The following CELF2 variants were observed in gnomAD, a reference collection of about 807,000 sequenced individuals.
The protein encoded by CELF2 is CUGBP Elav-like family member 2, also known as CUG triplet repeat RNA-binding protein 2.
Under a neutral mutation model 62.6 loss-of-function variants are expected in CELF2, and 8 were observed. The ratio of observed to expected loss-of-function variants is 0.13; its 90% CI spans 0.07 to 0.23. The LOEUF (loss-of-function observed/expected upper bound fraction) is 0.23, where lower values mean the gene tolerates loss of function less well. Ranked by LOEUF, CELF2 falls within the 10% of genes least tolerant of loss-of-function variation. The probability of loss-of-function intolerance (pLI) is 1.00; values close to 1 mark genes in which losing one functional copy is unlikely to be tolerated. For synonymous variants in CELF2, 258 were observed against 250.0 expected (o/e 1.03, Z -0.30); for missense variants, 333 against 671.0 (o/e 0.50, Z 5.56).
rs1342564626 is a variant in CELF2, at chr10:11,329,338, T to TAATTTTTTTC, written c.*287_*296dup. On this transcript the variant is annotated 3_prime_UTR_variant, in exon 13 of 13. Transcript: ENST00000633077. The surrounding 1 kb of genome is among the most constrained non-coding windows in gnomAD (Gnocchi z 5.5). ...TTGAATCTCCTTTTACCTTTTTTTT[T>TAATTTTTTTC]AATTTTTTTCATTTTTGCTTTTTTT... The TAATTTTTTTC allele has an allele frequency of 1.9e-5, 4 of 214,800 alleles. No individual in the cohort carries two copies. In the East Asian group the frequency reaches 3.9e-4, roughly 21 times the overall value. 13.3% of individuals were successfully genotyped at this position (214,800 alleles called of 1,614,324 possible). A position where few individuals can be genotyped will look rare whatever the true frequency, so the allele number is the denominator to read the frequency against.
chr10:10,928,744 C>A lies in CELF2; in HGVS notation c.89+8745C>A, dbSNP rs2065785705. 6.6e-6 allele frequency among the ~76,000 whole-genome samples: 1 copy of A among 152,154 alleles called. No individual in the cohort carries two copies. The highest frequency in any genetic ancestry group is 1.5e-5 in the Non-Finnish European group (1 of 68,032). ...TGGTTCCCAAAGACCCCAGTTTTAACCCCTATCCTAGCATCTGTGTCATCC... is the reference window on the plus strand; with the variant it reads ...TGGTTCCCAAAGACCCCAGTTTTAAACCCTATCCTAGCATCTGTGTCATCC... On this transcript the variant is annotated intron_variant, in intron 2 of 13. Transcript: ENST00000636488. This position sits in a 1 kb window ranked among gnomAD's most constrained non-coding sequence, Gnocchi z 4.8.
chr10:10,848,214 A>G (rs981835729), intron 1 of CELF2, among the ~76,000 whole-genome samples: 6 of 152,238 alleles, frequency 3.9e-5, no homozygotes, highest in Non-Finnish European at 7.3e-5. Flanking sequence ...TGATGTGTTC[A>G]GTACCCCTTT....
chr10:11,297,152 T>C lies in CELF2; in HGVS notation c.976+8600T>C, dbSNP rs73583219. On this transcript the variant is annotated intron_variant, in intron 9 of 12. Transcript: ENST00000633077. This position sits in a 1 kb window ranked among gnomAD's most constrained non-coding sequence, Gnocchi z 4.4. ...TTGGGCCTGGGTGGCCAGTGGAGCATTGCTCTCAGTTGTGAGGGGAGTTGA... is the reference window on the plus strand; with the variant it reads ...TTGGGCCTGGGTGGCCAGTGGAGCACTGCTCTCAGTTGTGAGGGGAGTTGA... Among the ~76,000 whole-genome samples the C allele has an allele frequency of 0.068, 10,341 of 152,238 alleles. 605 individuals are homozygous for C. The highest frequency in any genetic ancestry group is 0.16 in the African/African-American group (6,626 of 41,502).
rs1358428996 is a variant in CELF2, at chr10:11,093,449, G to C, written c.75-72037G>C. ...AAGTCAATCTGTGGCATGCAAACTA[G>C]GGATGTGGAGAAGGATGGAAAAGAG... On this transcript the variant is annotated intron_variant, in intron 1 of 12. Transcript: ENST00000633077. Among the ~76,000 whole-genome samples, 3 of 152,220 alleles carry C rather than the reference G, an allele frequency of 2.0e-5. No homozygotes were observed. In the East Asian group the frequency reaches 5.8e-4, roughly 29 times the overall value.
upstream of CELF2, chr10:11,017,813 C>A: frequency 2.9e-6 from 1 of 341,170 alleles, no homozygotes; most frequent in South Asian, 1.2e-4. The surrounding 1 kb of genome is among the most constrained non-coding windows in gnomAD (Gnocchi z 5.5). Flanking sequence ...GGTTCGGGGC[C>A]GCGCTCTGGG....
chr10:11,054,207 C>T (rs2064629875), intron 1 of CELF2, among the ~76,000 whole-genome samples: 1 of 152,160 alleles, frequency 6.6e-6, no homozygotes, highest in African/African-American at 2.4e-5. Context: ...AAAGCTGATG[C>T]CTGTTTGTAT....
At chr10:10,481,722 A>C in the CELF2 span, among the ~76,000 whole-genome samples, 2 of 152,258 alleles carry the variant, frequency 1.3e-5, no homozygotes, top group Admixed American at 6.5e-5. Flanking sequence ...CTTTGTCTTC[A>C]GATCTCGATA....
At chr10:10,496,147 G>A in the CELF2 span, among the ~76,000 whole-genome samples, 1 of 152,204 alleles carries the variant, frequency 6.6e-6, no homozygotes, top group Non-Finnish European at 1.5e-5. Context: ...TTTGCCTAAA[G>A]CCGTGCAGGT....
At chr10:10,876,400 C>T (rs896923472) in intron 1 of CELF2, among the ~76,000 whole-genome samples, 3 of 152,136 alleles carry the variant, frequency 2.0e-5, no homozygotes, top group Non-Finnish European at 4.4e-5. Context: ...CTAAACTGTG[C>T]CATTGTCTTC....
At chr10:10,856,886 A>T (rs2059747096) in intron 1 of CELF2, among the ~76,000 whole-genome samples, 1 of 152,138 alleles carries the variant, frequency 6.6e-6, no homozygotes, top group South Asian at 2.1e-4. Flanking sequence ...TTAGTACCAG[A>T]CTTGCTCTCC....
chr10:11,278,707 C>T (rs984727034), intron 8 of CELF2, among the ~76,000 whole-genome samples: 1 of 152,128 alleles, frequency 6.6e-6, no homozygotes, highest in Non-Finnish European at 1.5e-5. Flanking sequence ...TACTACATTA[C>T]GGTTGGAAAA....
At chr10:10,563,607 CAAAAAA>C in the CELF2 span, among the ~76,000 whole-genome samples, 2 of 86,990 alleles carry the variant, frequency 2.3e-5, no homozygotes, top group Non-Finnish European at 5.1e-5. Context: ...GACTGTGTCT[CAAAAAA>C]AAAAAAAAAA....
At chr10:10,741,132 T>C in the CELF2 span, among the ~76,000 whole-genome samples, 5 of 152,240 alleles carry the variant, frequency 3.3e-5, no homozygotes, top group African/African-American at 7.2e-5. Context: ...TATGTTCATT[T>C]GTTTACCTGT....
the CELF2 span, among the ~76,000 whole-genome samples, chr10:10,648,627 G>T: frequency 1.6e-4 from 24 of 152,252 alleles, no homozygotes; most frequent in Admixed American, 1.2e-3. Context: ...ATGATAGATC[G>T]TGTTCTGGAA....
At chr10:10,807,530 G>C (rs2055358256) in intron 1 of CELF2, among the ~76,000 whole-genome samples, 1 of 151,954 alleles carries the variant, frequency 6.6e-6, no homozygotes, top group Non-Finnish European at 1.5e-5. Flanking sequence ...AATAACTATT[G>C]TCATGCAAAT....
At position 11,165,650 on chromosome 10, in the gene CELF2, G is replaced by A; in HGVS notation, c.239G>A (p.Arg80Gln). 1 of 1,613,986 alleles carries A rather than the reference G, an allele frequency of 6.2e-7. No homozygotes were observed. Among genetic ancestry groups the A allele is most frequent in the Non-Finnish European group, 8.5e-7 (1 of 1,179,936 alleles). Residue 80 changes from arginine to glutamine, a missense_variant, in exon 2 of 13, where the codon CGG (arginine) becomes CAG (glutamine). Arg to Gln is a conservative substitution (Grantham distance 43). Coordinates refer to ENST00000633077, the MANE Select transcript of CELF2 (RefSeq NM_001326342.2). The surrounding 1 kb of genome is among the most constrained non-coding windows in gnomAD (Gnocchi z 7.4). ...GCCGTCTACCAGATCAACGTCCTCC[G>A]GGACCGGAGTCAGAACCCTCCGCAG... ...YGAVYQINVL[R>Q]DRSQNPPQSK... is the part of the protein sequence containing the mutation.
intron 2 of CELF2, among the ~76,000 whole-genome samples, chr10:10,994,374 C>G (rs982030734): frequency 6.6e-6 from 1 of 152,168 alleles, no homozygotes; most frequent in East Asian, 1.9e-4. Flanking sequence ...TTCTCATTTA[C>G]TGATCCAGAA....
At chr10:10,700,754 A>G in the CELF2 span, among the ~76,000 whole-genome samples, 3 of 152,248 alleles carry the variant, frequency 2.0e-5, no homozygotes, top group Non-Finnish European at 4.4e-5. Flanking sequence ...TAAAAAGTAT[A>G]AAAGCAACTT....
rs998398 is a variant in CELF2 at position 11,296,306 on chromosome 10, C to G, written c.976+7754C>G. On this transcript the variant is annotated intron_variant, in intron 9 of 12. Transcript: ENST00000633077. This position sits in a 1 kb window ranked among gnomAD's most constrained non-coding sequence, Gnocchi z 5.0. The stretch of plus-strand genomic sequence containing the variant: ...ATTTGTTTTTAAATATTGCTTTGCA[C>G]ACTCTTCTGTATTGTGGCAAATCCA... Among the ~76,000 whole-genome samples, 102,800 of 152,080 alleles carry G rather than the reference C, an allele frequency of 0.68. 38,396 individuals are homozygous for G. Among genetic ancestry groups the G allele is most frequent in the East Asian group, 0.88 (4,570 of 5,186 alleles).
Sources: allele counts gnomAD v4.1 joint callset (sites outside exome capture counted in the v4.1 genomes callset), GRCh38; gene constraint gnomAD v4.1.1; non-coding constraint Gnocchi (gnomAD v3.1); transcripts MANE v1.5; gene names NCBI Gene and HGNC (gene_info 2026-07-23, HGNC 2026-07-21).